Variants in DCLK2 observed in about 807,000 individuals in gnomAD.
The protein encoded by DCLK2 is serine/threonine-protein kinase DCLK2.
DCLK2 carries 31 observed loss-of-function variants against 78.4 expected under a neutral mutation model. That is an observed-to-expected ratio of 0.40 (90% CI 0.30 to 0.53). The LOEUF is 0.53. Ranked by LOEUF, DCLK2 falls within the 20% of genes least tolerant of loss-of-function variation. The pLI, the probability that DCLK2 is intolerant of heterozygous loss-of-function variation, is 0.61. For missense variants in DCLK2, 872 were observed against 973.7 expected (o/e 0.90, Z 1.39); for synonymous variants, 407 against 374.9 (o/e 1.09, Z -0.99).
At chr4:150,165,263 G>T (rs1038338534) in intron 2 of DCLK2, among the ~76,000 whole-genome samples, 2 of 152,176 alleles carry the variant, frequency 1.3e-5, no homozygotes, top group African/African-American at 4.8e-5. Flanking sequence ...TCTGATCTTT[G>T]TCTGCCTTTG....
At chr4:150,123,659 C>T (rs530809192) in intron 2 of DCLK2, among the ~76,000 whole-genome samples, 9 of 152,294 alleles carry the variant, frequency 5.9e-5, no homozygotes, top group African/African-American at 1.9e-4. Context: ...TCGTAAAAAG[C>T]TCAGTGTCTG....
chr4:150,146,488 T>C (rs1734481858), intron 2 of DCLK2, among the ~76,000 whole-genome samples: 1 of 152,226 alleles, frequency 6.6e-6, no homozygotes, highest in Non-Finnish European at 1.5e-5. Flanking sequence ...AACCATAGTT[T>C]ATTTTCTTAG....
chr4:150,169,344 C>G (rs1736333388), intron 2 of DCLK2, among the ~76,000 whole-genome samples: 1 of 152,196 alleles, frequency 6.6e-6, no homozygotes, highest in African/African-American at 2.4e-5. Context: ...ATTCGTACAT[C>G]AGGCAGCCTT....
intron 5 of DCLK2, among the ~76,000 whole-genome samples, chr4:150,215,250 C>CT (rs1443815971): frequency 6.6e-6 from 1 of 152,078 alleles, no homozygotes; most frequent in Admixed American, 6.6e-5. Flanking sequence ...ACCAAGTGAA[C>CT]AATCAGTTCT....
chr4:150,102,351 A>AC, intron 1 of DCLK2, 127 bp from the exon 2 acceptor site: 1 of 793,236 alleles, frequency 1.3e-6, no homozygotes, highest in Non-Finnish European at 2.0e-6. Context: ...AAAAGGGTGA[A>AC]CATCCCCTTT....
At chr4:150,151,643 G>A (rs1229146533) in intron 2 of DCLK2, among the ~76,000 whole-genome samples, 1 of 152,184 alleles carries the variant, frequency 6.6e-6, no homozygotes, top group Non-Finnish European at 1.5e-5. Flanking sequence ...TGTGGCTCTG[G>A]GCCGGGTGCG....
Position 150,248,286 on chromosome 4 carries a change from CTTGT to C in DCLK2, c.1876-12_1876-9del. On this transcript the variant is annotated splice_polypyrimidine_tract_variant and intron_variant, in intron 13 of 15. Coordinates refer to ENST00000296550, the MANE Select transcript of DCLK2 (RefSeq NM_001040260.4). The stretch of plus-strand genomic sequence containing the variant: ...TCCTTTCTCCTCCTCTGTGGTCTGA[CTTGT>C]TTGTTTATTTGTAGGAATTAATCAG... 1 of 1,609,404 alleles carries C rather than the reference CTTGT, an allele frequency of 6.2e-7. No individual in the cohort carries two copies. The highest frequency in any genetic ancestry group is 8.5e-7 in the Non-Finnish European group (1 of 1,175,876).
intron 2 of DCLK2, among the ~76,000 whole-genome samples, chr4:150,179,801 G>A (rs866578226): frequency 6.6e-6 from 1 of 152,108 alleles, no homozygotes; most frequent in Non-Finnish European, 1.5e-5. Flanking sequence ...TAATAAAACC[G>A]TGATTGTAAC....
chr4:150,224,642 G>A, intron 8 of DCLK2, 84 bp downstream of exon 8: 1 of 1,145,230 alleles, frequency 8.7e-7, no homozygotes, highest in Non-Finnish European at 1.2e-6. Flanking sequence ...TTTAAGTGGG[G>A]ACTTGACACA....
chr4:150,199,094 T>G (rs770420495), intron 4 of DCLK2: 7 of 1,593,284 alleles, frequency 4.4e-6, no homozygotes, highest in Non-Finnish European at 5.9e-6. Flanking sequence ...CCATGACTAT[T>G]GTGGCTTTGT....
At chr4:150,233,630 G>T (rs1417073335) in intron 10 of DCLK2, among the ~76,000 whole-genome samples, 5 of 152,126 alleles carry the variant, frequency 3.3e-5, no homozygotes, top group Admixed American at 1.3e-4. Context: ...GAGACCAAGA[G>T]ATGCCATTTT....
intron 15 of DCLK2, among the ~76,000 whole-genome samples, chr4:150,251,831 C>T (rs1744179257): frequency 6.7e-6 from 1 of 150,282 alleles, no homozygotes; most frequent in Non-Finnish European, 1.5e-5. Context: ...TCTCAGCACC[C>T]ACTGGGCCGT....
intron 2 of DCLK2, among the ~76,000 whole-genome samples, chr4:150,180,952 C>A (rs571367883): frequency 6.6e-6 from 1 of 152,096 alleles, no homozygotes; most frequent in African/African-American, 2.4e-5. Context: ...TGCCCCAAAC[C>A]CAGGAGGAGG....
intron 2 of DCLK2, among the ~76,000 whole-genome samples, chr4:150,150,127 T>A (rs947437068): frequency 3.9e-5 from 6 of 152,086 alleles, no homozygotes; most frequent in Non-Finnish European, 7.4e-5. Context: ...GAAATAAATT[T>A]AAAAAAATAA....
At chr4:150,127,971 A>G (rs904476874) in intron 2 of DCLK2, among the ~76,000 whole-genome samples, 1 of 152,228 alleles carries the variant, frequency 6.6e-6, no homozygotes, top group African/African-American at 2.4e-5. Context: ...CCTAAGTGCA[A>G]TGAACTTGGC....
chr4:150,126,674 C>T, intron 2 of DCLK2, among the ~76,000 whole-genome samples: 1 of 152,142 alleles, frequency 6.6e-6, no homozygotes, highest in Non-Finnish European at 1.5e-5. Context: ...ACAAATTGTA[C>T]ACAGAGATTA....
intron 2 of DCLK2, among the ~76,000 whole-genome samples, chr4:150,166,042 C>G (rs1028267145): frequency 6.6e-6 from 1 of 152,132 alleles, no homozygotes; most frequent in Non-Finnish European, 1.5e-5. Context: ...CTTCCAGAAC[C>G]GTGAGAAATA....
At chr4:150,130,128 T>C (rs1309216844) in intron 2 of DCLK2, among the ~76,000 whole-genome samples, 1 of 152,170 alleles carries the variant, frequency 6.6e-6, no homozygotes, top group Non-Finnish European at 1.5e-5. Flanking sequence ...ATCCAGTCTA[T>C]TTAATGAATC....
chr4:150,243,503 T>G (rs544087501), intron 12 of DCLK2, among the ~76,000 whole-genome samples: 2 of 152,340 alleles, frequency 1.3e-5, no homozygotes, highest in South Asian at 4.2e-4. Context: ...TAAATAAGTT[T>G]GGTATAAAGT....
Sources: gnomAD v4.1 joint callset for allele counts (sites outside exome capture counted in the v4.1 genomes callset) on GRCh38, gnomAD v4.1.1 for gene constraint, MANE v1.5 for transcripts, NCBI Gene and HGNC (gene_info 2026-07-23, HGNC 2026-07-21) for gene names.